The following DNAH3 variants were observed in gnomAD, a reference collection of about 807,000 sequenced individuals.
DNAH3 encodes the protein axonemal beta dynein heavy chain 3.
DNAH3 carries 332 observed loss-of-function variants against 432.5 expected under a neutral mutation model. That is an observed-to-expected ratio of 0.77 (90% CI 0.70 to 0.84). DNAH3 has a LOEUF of 0.84. Among genes scored for constraint, DNAH3 ranks in the 40% least tolerant of loss-of-function variants. The pLI is 0.00. For missense variants in DNAH3, 4,861 were observed against 5,114.0 expected, an observed-to-expected ratio of 0.95 and a Z score of 1.51; for synonymous variants, 1,956 against 1,900.2, an observed-to-expected ratio of 1.03 and a Z score of -0.76.
rs1405826467 is a variant in DNAH3, at chr16:21,032,984, G to A, written c.5197+990C>T. 2.0e-5 allele frequency among the ~76,000 whole-genome samples: 3 copies of A among 151,556 alleles called. No homozygotes were observed. The East Asian group carries it at 5.8e-4, about 29-fold the overall frequency. On this transcript the variant is annotated intron_variant, in intron 36 of 61. Coordinates refer to ENST00000261383, the Ensembl canonical transcript of DNAH3. ...TTATTATATTCTATTATTTTATTTT[G>A]AGACTGGATCTCACTCACCCAGGCT...
At chr16:20,973,591 T>TC (rs1278593436) in intron 51 of DNAH3, among the ~76,000 whole-genome samples, 1 of 152,206 alleles carries the variant, frequency 6.6e-6, no homozygotes, top group African/African-American at 2.4e-5. Flanking sequence ...GTTGTAATGC[T>TC]CAAATGTAAC....
At position 21,095,615 on chromosome 16, in the gene DNAH3, G is replaced by A. The variant is rs79029697; in HGVS notation, c.2665+1740C>T. Reference sequence around the variant, plus strand: ...TTGATGAAATTGCTGTTTTCTGATTGTAGTGATGTTTATATGAAAGTCAAC... The same window carrying A: ...TTGATGAAATTGCTGTTTTCTGATTATAGTGATGTTTATATGAAAGTCAAC... On this transcript the variant is annotated intron_variant, in intron 18 of 61. Coordinates refer to ENST00000261383, the Ensembl canonical transcript of DNAH3. Among the ~76,000 whole-genome samples, 752 of 152,298 alleles carry A rather than the reference G, an allele frequency of 4.9e-3. 5 individuals are homozygous for A. Among genetic ancestry groups the A allele is most frequent in the African/African-American group, 0.017 (692 of 41,562 alleles).
chr16:21,030,933 A>C (rs1349095284), intron 37 of DNAH3, 112 bp downstream of exon 37: 2 of 1,092,932 alleles, frequency 1.8e-6, no homozygotes, highest in Admixed American at 2.1e-5. Context: ...TAATGTATAC[A>C]GAATACATAC....
At chr16:21,099,557 C>T (rs2091784079) in intron 16 of DNAH3, among the ~76,000 whole-genome samples, 1 of 152,060 alleles carries the variant, frequency 6.6e-6, no homozygotes, top group African/African-American at 2.4e-5. Context: ...GTGAAGTGGA[C>T]AGGGTCTTGA....
chr16:21,066,435 T>C (rs998036248), intron 24 of DNAH3, among the ~76,000 whole-genome samples: 1 of 152,118 alleles, frequency 6.6e-6, no homozygotes, highest in African/African-American at 2.4e-5. Flanking sequence ...TGGTGCAATC[T>C]TGGCTCACTG....
intron 13 of DNAH3, 57 bp from the exon 14 acceptor site, chr16:21,111,861 C>T (rs1326881774): frequency 6.3e-7 from 1 of 1,593,272 alleles, no homozygotes; most frequent in Non-Finnish European, 8.6e-7. Flanking sequence ...TCCCACTTGC[C>T]CCCAGCCTAA....
At chr16:20,947,269 A>G (rs2084091449) in intron 57 of DNAH3, among the ~76,000 whole-genome samples, 1 of 152,014 alleles carries the variant, frequency 6.6e-6, no homozygotes, top group Admixed American at 6.6e-5. Flanking sequence ...CCTGGAGGGT[A>G]TTTCACCCAG....
At chr16:20,985,555 A>G in exon 48 of DNAH3, 1 of 1,614,128 alleles carries the variant, frequency 6.2e-7, no homozygotes, top group Non-Finnish European at 8.5e-7. Context: ...GATGTTGTTG[A>G]ATTCTTCCAG....
chr16:21,132,954 A>G (rs2092588378), intron 7 of DNAH3, among the ~76,000 whole-genome samples: 1 of 138,802 alleles, frequency 7.2e-6, no homozygotes, highest in African/African-American at 2.7e-5. Flanking sequence ...CTGGACTCCT[A>G]CAATTTTTTT....
intron 7 of DNAH3, among the ~76,000 whole-genome samples, chr16:21,133,211 G>A (rs1264247127): frequency 6.6e-6 from 1 of 151,830 alleles, no homozygotes; most frequent in Non-Finnish European, 1.5e-5. Context: ...AAAATTAGCT[G>A]GGTGTGGTGG....
chr16:21,133,943 C>A (rs181967959), intron 7 of DNAH3, among the ~76,000 whole-genome samples: 1 of 152,094 alleles, frequency 6.6e-6, no homozygotes, highest in Non-Finnish European at 1.5e-5. Context: ...AAAAGTGATG[C>A]GACCACATAT....
intron 58 of DNAH3, among the ~76,000 whole-genome samples, chr16:20,942,069 T>TAAAA (rs66695399): frequency 8.0e-6 from 1 of 125,104 alleles, no homozygotes; most frequent in Non-Finnish European, 1.7e-5. Flanking sequence ...GTCTAAAAGT[T>TAAAA]AAAAAAAAAA....
Position 20,935,489 on chromosome 16 carries a change from G to C in DNAH3, c.11860-4C>G, listed in dbSNP as rs771858577. 2.5e-6 allele frequency: 4 copies of C among 1,609,096 alleles called. No individual in the cohort carries two copies. Among genetic ancestry groups the C allele is most frequent in the Non-Finnish European group, 3.4e-6 (4 of 1,178,956 alleles). Reference sequence around the variant, plus strand: ...GGGGCCCCTTGTCAATCCATTCCTGGAGAGCCACAGAAATCAAGATTCAAA... The same window carrying C: ...GGGGCCCCTTGTCAATCCATTCCTGCAGAGCCACAGAAATCAAGATTCAAA... On this transcript the variant is annotated splice_region_variant and splice_polypyrimidine_tract_variant and intron_variant, in intron 60 of 61. Coordinates refer to ENST00000261383, the Ensembl canonical transcript of DNAH3.
intron 2 of DNAH3, 73 bp downstream of exon 3, chr16:21,145,911 A>C: frequency 1.0e-6 from 1 of 981,694 alleles, no homozygotes. Context: ...TACCTGCCAA[A>C]TACGGAGAGA....
At chr16:21,028,020 C>T (rs1427369439) in intron 37 of DNAH3, among the ~76,000 whole-genome samples, 1 of 152,070 alleles carries the variant, frequency 6.6e-6, no homozygotes, top group Non-Finnish European at 1.5e-5. Context: ...ACAGGTGTTG[C>T]TCTGTTACCC....
intron 1 of DNAH3, 97 bp from the exon 2 acceptor site, chr16:21,150,631 C>CTA: frequency 1.1e-5 from 2 of 187,824 alleles, no homozygotes; most frequent in South Asian, 1.1e-4. Context: ...CCAGCGGTGG[C>CTA]CACGCTTCCT....
At chr16:21,115,848 C>G (rs896330726) in intron 12 of DNAH3, among the ~76,000 whole-genome samples, 3 of 152,026 alleles carry the variant, frequency 2.0e-5, no homozygotes, top group Non-Finnish European at 4.4e-5. Context: ...TCTCCCAAAT[C>G]AAATTCACGA....
At chr16:21,157,477 G>A (rs998038776) in intron 1 of DNAH3, among the ~76,000 whole-genome samples, 4 of 151,554 alleles carry the variant, frequency 2.6e-5, no homozygotes, top group Non-Finnish European at 4.4e-5. Flanking sequence ...TTACAGGTGC[G>A]CACCACCATG....
chr16:21,013,997 A>G (rs564379973), intron 41 of DNAH3, among the ~76,000 whole-genome samples: 6 of 152,220 alleles, frequency 3.9e-5, no homozygotes, highest in Non-Finnish European at 7.3e-5. Context: ...GGTGAATTCT[A>G]TCAAACATTT....
Sources: gnomAD v4.1 joint callset for allele counts (sites outside exome capture counted in the v4.1 genomes callset) on GRCh38, gnomAD v4.1.1 for gene constraint, MANE v1.5 for transcripts, NCBI Gene and HGNC (gene_info 2026-07-23, HGNC 2026-07-21) for gene names.